Variants in CEP85L observed in about 807,000 individuals in gnomAD.
The protein encoded by CEP85L is centrosomal protein 85L, also known as centrosomal protein of 85 kDa-like.
A neutral mutation model predicts 100.3 loss-of-function variants in CEP85L; 60 were observed. The observed-to-expected ratio is 0.60, with a 90% CI of 0.49 to 0.74. CEP85L has a LOEUF of 0.74. Among genes scored for constraint, CEP85L ranks in the 30% least tolerant of loss-of-function variants. The pLI is 0.00. For synonymous variants in CEP85L, 319 were observed against 322.7 expected (o/e 0.99, Z 0.12); for missense variants, 973 against 936.2 (o/e 1.04, Z -0.51).
chr6:118,668,241 T>C (rs1776190013), intron 1 of CEP85L, among the ~76,000 whole-genome samples: 1 of 152,160 alleles, frequency 6.6e-6, no homozygotes, highest in Non-Finnish European at 1.5e-5. Context: ...GCTCCCAAAG[T>C]TGACAGGCAT....
chr6:118,699,625 T>A (rs1305122088), intron 1 of CEP85L, among the ~76,000 whole-genome samples: 1 of 152,076 alleles, frequency 6.6e-6, no homozygotes, highest in African/African-American at 2.4e-5. Flanking sequence ...TTTCTGGAGA[T>A]GTTTGAAGGA....
chr6:118,468,950 A>G, intron 12 of CEP85L, 122 bp downstream of exon 12: 1 of 675,268 alleles, frequency 1.5e-6, no homozygotes, highest in Non-Finnish European at 2.5e-6. Flanking sequence ...AAACCCACAG[A>G]CTGATTCTAA....
At chr6:118,706,752 G>A (rs996013729) in intron 1 of CEP85L, among the ~76,000 whole-genome samples, 9 of 150,496 alleles carry the variant, frequency 6.0e-5, no homozygotes, top group South Asian at 2.1e-4. Context: ...TTTCCTTTCC[G>A]TCCTCCTCAT....
chr6:118,504,083 C>T (rs1240193779), intron 5 of CEP85L, among the ~76,000 whole-genome samples: 4 of 152,036 alleles, frequency 2.6e-5, no homozygotes, highest in East Asian at 1.9e-4. Context: ...CCAAAATGTA[C>T]AAATAATAGG....
intron 1 of CEP85L, among the ~76,000 whole-genome samples, chr6:118,649,004 T>G (rs989612598): frequency 5.3e-5 from 8 of 152,120 alleles, no homozygotes; most frequent in African/African-American, 1.9e-4. Flanking sequence ...AAATAAAAAT[T>G]TCCTTCCAAT....
chr6:118,625,401 G>A (rs753864914), intron 2 of CEP85L, among the ~76,000 whole-genome samples: 7 of 152,172 alleles, frequency 4.6e-5, no homozygotes, highest in Non-Finnish European at 7.3e-5. Context: ...TCCCTTTTAT[G>A]GTAGGAGCCA....
At chr6:118,599,469 G>A (rs890471028) in intron 2 of CEP85L, among the ~76,000 whole-genome samples, 3 of 152,106 alleles carry the variant, frequency 2.0e-5, no homozygotes, top group African/African-American at 7.2e-5. Flanking sequence ...AAATGAGAGA[G>A]AAGAGGTTAC....
At chr6:118,594,853 CAA>C (rs11332072) in intron 2 of CEP85L, among the ~76,000 whole-genome samples, 8 of 105,938 alleles carry the variant, frequency 7.6e-5, no homozygotes, top group African/African-American at 7.2e-5. Context: ...GAGATTGTCT[CAA>C]AAAAAAAAAA....
intron 3 of CEP85L, among the ~76,000 whole-genome samples, chr6:118,527,803 A>G (rs1777062481): frequency 1.3e-5 from 2 of 152,226 alleles, no homozygotes; most frequent in South Asian, 4.1e-4. Flanking sequence ...AAAAATAAAT[A>G]TCTATTTTTA....
At chr6:118,528,644 C>T (rs377742823) in intron 3 of CEP85L, among the ~76,000 whole-genome samples, 198 of 152,210 alleles carry the variant, frequency 1.3e-3, no homozygotes, top group African/African-American at 4.1e-3. Context: ...TCCTACCAAA[C>T]GCTGTAGGTT....
intron 2 of CEP85L, among the ~76,000 whole-genome samples, chr6:118,608,081 T>C (rs956980685): frequency 1.3e-5 from 2 of 152,232 alleles, no homozygotes; most frequent in African/African-American, 4.8e-5. Context: ...CTTTAGGCAC[T>C]AGAGATACTA....
intron 3 of CEP85L, among the ~76,000 whole-genome samples, chr6:118,538,830 T>A (rs1409095386): frequency 6.6e-6 from 1 of 152,106 alleles, no homozygotes; most frequent in Non-Finnish European, 1.5e-5. Context: ...TGCTATAATT[T>A]ACTTTTTAAA....
At chr6:118,504,786 A>C (rs1219609757) in intron 5 of CEP85L, among the ~76,000 whole-genome samples, 1 of 152,150 alleles carries the variant, frequency 6.6e-6, no homozygotes, top group African/African-American at 2.4e-5. Context: ...TTCTGACGCT[A>C]TCTCTACACA....
chr6:118,669,339 G>A (rs1776226728), intron 1 of CEP85L, among the ~76,000 whole-genome samples: 1 of 152,134 alleles, frequency 6.6e-6, no homozygotes, highest in Non-Finnish European at 1.5e-5. Context: ...ACCTTATAGA[G>A]GGCATTAGGG....
chr6:118,520,597 T>C (rs1050983118), intron 4 of CEP85L, among the ~76,000 whole-genome samples: 9 of 152,176 alleles, frequency 5.9e-5, no homozygotes, highest in Non-Finnish European at 1.0e-4. Context: ...AATTATTGTT[T>C]ATTATAGTTA....
At chr6:118,612,618 A>G in intron 2 of CEP85L, among the ~76,000 whole-genome samples, 2 of 131,300 alleles carry the variant, frequency 1.5e-5, no homozygotes, top group Admixed American at 8.5e-5. Flanking sequence ...CCGAGACTGC[A>G]CCACTGCACT....
At chr6:118,522,627 T>G (rs747304967) in intron 4 of CEP85L, among the ~76,000 whole-genome samples, 1 of 152,120 alleles carries the variant, frequency 6.6e-6, no homozygotes, top group East Asian at 1.9e-4. Flanking sequence ...TTTGTAATCC[T>G]AGCACTTTGA....
In CEP85L at chr6:118,565,612, T is replaced by A; in HGVS notation, c.937A>T (p.Asn313Tyr). ...GCTAAACTGTAAGAATCCTCTGTAT[T>A]TCTACCTTCCAAAGGATTTGTCCGC... ...QLRTNPLEGR[N>Y]TEDSYSLAPW... is the part of the protein sequence containing the mutation. The change falls in exon 3 of 13, where the codon AAT becomes TAT. Residue 313 changes from asparagine to tyrosine, a missense_variant. Transcript: ENST00000368491. The A allele has an allele frequency of 6.2e-7, 1 of 1,614,226 alleles. No individual in the cohort carries two copies. The highest frequency in any genetic ancestry group is 8.5e-7 in the Non-Finnish European group (1 of 1,180,018).
chr6:118,493,714 A>T (rs983670293), intron 5 of CEP85L, among the ~76,000 whole-genome samples: 13 of 152,192 alleles, frequency 8.5e-5, no homozygotes, highest in African/African-American at 3.1e-4. Context: ...ACGGAAGATT[A>T]TCTTCTGGGC....
Sources: gnomAD v4.1 joint callset for allele counts (sites outside exome capture counted in the v4.1 genomes callset) on GRCh38, gnomAD v4.1.1 for gene constraint, MANE v1.5 for transcripts, NCBI Gene and HGNC (gene_info 2026-07-23, HGNC 2026-07-21) for gene names.